Variants in WBP1L observed in about 807,000 individuals in gnomAD.
WBP1L encodes WW domain binding protein 1-like.
WBP1L carries 17 observed loss-of-function variants against 33.7 expected under a neutral mutation model. That is an observed-to-expected ratio of 0.50 (90% CI 0.34 to 0.76). WBP1L has a LOEUF of 0.76. WBP1L is among the 30% of genes least tolerant of loss of function. The pLI is 0.01. For synonymous variants in WBP1L, 173 were observed against 190.8 expected (o/e 0.91, Z 0.77); for missense variants, 389 against 469.4 (o/e 0.83, Z 1.58).
chr10:102,771,092 A>T (rs968855711), intron 1 of WBP1L, among the ~76,000 whole-genome samples: 15 of 152,200 alleles, frequency 9.9e-5, no homozygotes, highest in African/African-American at 2.7e-4. Context: ...AGTCTGGCTC[A>T]TGGTCAGGGT....
chr10:102,759,076 G>A (rs1185232132), intron 1 of WBP1L, among the ~76,000 whole-genome samples: 1 of 152,186 alleles, frequency 6.6e-6, no homozygotes, highest in African/African-American at 2.4e-5. Flanking sequence ...GGATGACTGT[G>A]GGCAGGCCTG....
Position 102,798,041 on chromosome 10 carries a change from A to C in WBP1L, c.139A>C (p.Thr47Pro). ...CAACAATCAAAGCTACATCTGTGAC[A>C]CAGGACACTGCTGTGGACAGTCTCA... is the stretch of plus-strand genomic sequence containing the variant. ...GTNNQSYICD[T>P]GHCCGQSQCC... The change falls in exon 2 of 4, where the codon ACA becomes CCA. Residue 47 changes from threonine to proline, a missense_variant. By Grantham distance (38) the Thr-to-Pro change is conservative (BLOSUM62 -1). Transcript: ENST00000448841. 6.2e-7 allele frequency: 1 copy of C among 1,614,200 alleles called. No homozygotes were observed. Among genetic ancestry groups the C allele is most frequent in the Non-Finnish European group, 8.5e-7 (1 of 1,180,032 alleles).
At chr10:102,798,716 C>A (rs886609783) in intron 2 of WBP1L, among the ~76,000 whole-genome samples, 1 of 152,224 alleles carries the variant, frequency 6.6e-6, no homozygotes, top group African/African-American at 2.4e-5. Context: ...AGCCACCACA[C>A]CTGGCTGGCT....
intron 1 of WBP1L, among the ~76,000 whole-genome samples, chr10:102,784,310 A>G (rs1225445579): frequency 6.6e-6 from 1 of 151,892 alleles, no homozygotes; most frequent in Non-Finnish European, 1.5e-5. Flanking sequence ...GTTTATTGTA[A>G]TCTATCATTA....
chr10:102,753,034 A>G (rs550764565), intron 1 of WBP1L, among the ~76,000 whole-genome samples: 1 of 152,270 alleles, frequency 6.6e-6, no homozygotes, highest in South Asian at 2.1e-4. Context: ...GCCATCAGCT[A>G]TTAGGACTAA....
intron 1 of WBP1L, among the ~76,000 whole-genome samples, chr10:102,791,253 C>T (rs1843493502): frequency 6.6e-6 from 1 of 151,976 alleles, no homozygotes; most frequent in Non-Finnish European, 1.5e-5. Context: ...CCCAGGTGAT[C>T]CTCCTTGCTT....
chr10:102,795,843 A>G (rs181851938), intron 1 of WBP1L, among the ~76,000 whole-genome samples: 16 of 152,306 alleles, frequency 1.1e-4, no homozygotes, highest in Non-Finnish European at 2.4e-4. Context: ...TCTGAAGTCA[A>G]AGAGTGTGTG....
chr10:102,792,337 G>T lies in WBP1L; in HGVS notation c.91-5656G>T, dbSNP rs565273387. 9.5e-4 allele frequency among the ~76,000 whole-genome samples: 144 copies of T among 152,344 alleles called. 1 individual carries two copies. Among genetic ancestry groups the T allele is most frequent in the Non-Finnish European group, 1.1e-3 (73 of 68,024 alleles). On this transcript the variant is annotated intron_variant, in intron 1 of 3. Coordinates refer to ENST00000448841, the MANE Select transcript of WBP1L (RefSeq NM_001083913.2). ...CACCAAAGTTCCTTTTTGACAAGTT[G>T]TACATTTCTAGCTTTCTGGGGTTTT...
chr10:102,784,057 T>G lies in WBP1L; in HGVS notation c.91-13936T>G, dbSNP rs538585282. Among the ~76,000 whole-genome samples, 3 of 152,274 alleles carry G rather than the reference T, an allele frequency of 2.0e-5. No homozygotes were observed. The East Asian group carries it at 5.8e-4, about 29-fold the overall frequency. On this transcript the variant is annotated intron_variant, in intron 1 of 3. Coordinates refer to ENST00000448841, the MANE Select transcript of WBP1L (RefSeq NM_001083913.2). ...TATTAATGACAGGTACAGAGTCATT[T>G]TTTGTGGGCCAGTAGATATGACCAA... is the stretch of plus-strand genomic sequence containing the variant.
chr10:102,804,708 C>A (rs754694257), intron 2 of WBP1L, among the ~76,000 whole-genome samples: 1 of 152,134 alleles, frequency 6.6e-6, no homozygotes, highest in Non-Finnish European at 1.5e-5. Flanking sequence ...GTGAAATCAC[C>A]ATCTGGGATG....
intron 1 of WBP1L, among the ~76,000 whole-genome samples, chr10:102,778,536 G>A (rs1843296123): frequency 6.6e-6 from 1 of 152,206 alleles, no homozygotes; most frequent in Non-Finnish European, 1.5e-5. Flanking sequence ...ATCAACAGCA[G>A]GTGAACCTTT....
chr10:102,747,843 A>G (rs1842882698), intron 1 of WBP1L, among the ~76,000 whole-genome samples: 1 of 151,788 alleles, frequency 6.6e-6, no homozygotes, highest in African/African-American at 2.4e-5. Context: ...AGAATATTTG[A>G]CTATGTTATT....
intron 1 of WBP1L, among the ~76,000 whole-genome samples, chr10:102,751,089 C>T (rs1842920239): frequency 6.6e-6 from 1 of 152,048 alleles, no homozygotes; most frequent in Non-Finnish European, 1.5e-5. Flanking sequence ...CAACCTCTGC[C>T]TCCTGGGTTC....
chr10:102,798,349 C>T (rs1843602677), intron 2 of WBP1L, among the ~76,000 whole-genome samples: 1 of 152,164 alleles, frequency 6.6e-6, no homozygotes, highest in African/African-American at 2.4e-5. Context: ...CTGAGGTTCT[C>T]CTGGCTGCCC....
chr10:102,746,847 T>C (rs1054755546), intron 1 of WBP1L, among the ~76,000 whole-genome samples: 1 of 152,190 alleles, frequency 6.6e-6, no homozygotes. Flanking sequence ...TTTTTTTACA[T>C]GCACAATCTT....
intron 1 of WBP1L, among the ~76,000 whole-genome samples, chr10:102,782,214 CTTTTTTTTTT>C (rs397961661): frequency 4.1e-5 from 2 of 49,168 alleles, no homozygotes; most frequent in Admixed American, 3.3e-4. Flanking sequence ...AAAGAAGCTG[CTTTTTTTTTT>C]TTTTTTTTTT....
At chr10:102,757,492 A>G (rs1238124385) in intron 1 of WBP1L, among the ~76,000 whole-genome samples, 2 of 150,250 alleles carry the variant, frequency 1.3e-5, no homozygotes, top group South Asian at 2.1e-4. Flanking sequence ...ACTGTGCTGC[A>G]GTGAGGGGGA....
intron 1 of WBP1L, among the ~76,000 whole-genome samples, chr10:102,762,794 G>T (rs1320587875): frequency 2.6e-5 from 4 of 152,162 alleles, no homozygotes; most frequent in African/African-American, 9.6e-5. Flanking sequence ...GCTCTTCGGG[G>T]ATGCAAGCTG....
intron 1 of WBP1L, among the ~76,000 whole-genome samples, chr10:102,784,171 T>A (rs1176451613): frequency 6.6e-6 from 1 of 152,134 alleles, no homozygotes; most frequent in East Asian, 1.9e-4. Flanking sequence ...CCGGGATTAC[T>A]ACCCCCCAGG....
Sources: gnomAD v4.1 joint callset for allele counts (sites outside exome capture counted in the v4.1 genomes callset) on GRCh38, gnomAD v4.1.1 for gene constraint, MANE v1.5 for transcripts, NCBI Gene and HGNC (gene_info 2026-07-23, HGNC 2026-07-21) for gene names.